The following ABCA3 variants were observed in gnomAD, a reference collection of about 807,000 sequenced individuals.
ABCA3 encodes ATP binding cassette subfamily A member 3.
In ABCA3, 88 loss-of-function variants were observed where a neutral mutation model predicts 172.8. That is an observed-to-expected ratio of 0.51 (90% confidence interval 0.43 to 0.61). ABCA3 has a LOEUF of 0.61. Ranked by LOEUF, ABCA3 falls within the 20% of genes least tolerant of loss-of-function variation. The pLI, the probability that ABCA3 is intolerant of heterozygous loss-of-function variation, is 0.00. For synonymous variants in ABCA3, 1,066 were observed against 983.8 expected, an observed-to-expected ratio of 1.08 and a Z score of -1.56; for missense variants, 2,164 against 2,301.0, an observed-to-expected ratio of 0.94 and a Z score of 1.22.
At position 2,308,553 on chromosome 16, in the gene ABCA3, A is replaced by C. The variant is rs149407605; in HGVS notation, c.1182T>G (p.Pro394=). The change falls in exon 11 of 33, where the codon CCT becomes CCG. Residue 394 remains proline (P), a synonymous_variant. Coordinates refer to ENST00000301732, the MANE Select transcript of ABCA3 (RefSeq NM_001089.3). ...FTYIPYFFVA[P]RYNWMTLSQK... ...GGCTCAGAGTCATCCAGTTGTACCG[A>C]GGGGCCACGAAGAAGTAGGGGATGT... is the stretch of plus-strand genomic sequence containing the variant. The C allele has an allele frequency of 3.1e-6, 5 of 1,614,008 alleles. No individual in the cohort carries two copies. Among genetic ancestry groups the C allele is most frequent in the East Asian group, 4.5e-5 (2 of 44,892 alleles).
rs568756080 is a variant in ABCA3, at chr16:2,312,488, T to A, written c.1112-3865A>T. On this transcript the variant is annotated intron_variant, in intron 10 of 32. Transcript: ENST00000301732. ...CGAGATTTAATAAAGTTTTTTTTTT[T>A]ACTGCTTTGTCAAGGACATTCATGA... is the stretch of plus-strand genomic sequence containing the variant. Among the ~76,000 whole-genome samples, 83 of 152,246 alleles carry A rather than the reference T, an allele frequency of 5.5e-4. 3 individuals are homozygous for A. In the South Asian group the frequency reaches 7.9e-3, roughly 14 times the overall value.
chr16:2,305,200 C>G (rs1200310565), intron 11 of ABCA3, among the ~76,000 whole-genome samples: 2 of 152,180 alleles, frequency 1.3e-5, no homozygotes, highest in Non-Finnish European at 2.9e-5. Context: ...GTGGTGCAAT[C>G]TTGGCCCACT....
At chr16:2,329,462 G>A (rs1037189165) in intron 2 of ABCA3, among the ~76,000 whole-genome samples, 186 bp downstream of exon 2, 1 of 152,166 alleles carries the variant, frequency 6.6e-6, no homozygotes, top group Admixed American at 6.5e-5. Flanking sequence ...ATATAAAACC[G>A]TCACAGTTCA....
At chr16:2,304,194 G>T (rs1596848828) in intron 11 of ABCA3, 44 bp from the exon 12 acceptor site, 2 of 1,611,060 alleles carry the variant, frequency 1.2e-6, no homozygotes, top group South Asian at 1.1e-5. Context: ...CAGCAGGCTG[G>T]GGGGCCCAGG....
rs1336678440 is a variant in ABCA3 at position 2,284,523 on chromosome 16, C to T, written c.3704-86G>A. ...GGGCCTGGTCAGGGCGGGCACAGGG[C>T]CTTATCCGTGCTGTGTGGAGTGAGG... On this transcript the variant is annotated intron_variant, in intron 24 of 32. Coordinates refer to ENST00000301732, the MANE Select transcript of ABCA3 (RefSeq NM_001089.3). The surrounding 1 kb of genome is among the most constrained non-coding windows in gnomAD (Gnocchi z 5.9). 2.6e-6 allele frequency: 4 copies of T among 1,561,488 alleles called. No homozygotes were observed. The African/African-American group carries it at 5.4e-5, about 21-fold the overall frequency.
chr16:2,301,513 C>G (rs547443555), intron 12 of ABCA3, among the ~76,000 whole-genome samples: 52 of 152,228 alleles, frequency 3.4e-4, no homozygotes, highest in African/African-American at 1.2e-3. Context: ...TCAAGACCAG[C>G]CTGGCCAACA....
rs150953197 is a variant in ABCA3 at position 2,278,458 on chromosome 16, A to G, written c.4548T>C (p.Ser1516=). ...TGCTCAGCTTCCGCTTGTTACCACC[A>G]CTAGAGGCAGGAGGGTGCCAGGTGG... ...PHANKLVRTY[S]GGNKRKLSTG... The change falls in exon 30 of 33, where the codon AGT becomes AGC. Residue 1516 remains serine (S), a splice_region_variant and synonymous_variant. Coordinates refer to ENST00000301732, the MANE Select transcript of ABCA3 (RefSeq NM_001089.3). This position sits in a 1 kb window ranked among gnomAD's most constrained non-coding sequence, Gnocchi z 4.4. 1.2e-4 allele frequency: 200 copies of G among 1,611,600 alleles called. 2 individuals are homozygous for G. The South Asian group carries it at 2.1e-3, about 17-fold the overall frequency.
At chr16:2,316,275 C>T (rs2093715334) in intron 10 of ABCA3, among the ~76,000 whole-genome samples, 1 of 134,074 alleles carries the variant, frequency 7.5e-6, no homozygotes, top group South Asian at 2.3e-4. Flanking sequence ...TGCCATTGCA[C>T]TCCAGCCTGG....
intron 1 of ABCA3, among the ~76,000 whole-genome samples, chr16:2,338,664 G>A (rs1296087320): frequency 1.3e-5 from 2 of 151,294 alleles, no homozygotes; most frequent in African/African-American, 4.9e-5. Context: ...ATCTTGTTCT[G>A]TCTTATGTCA....
chr16:2,300,952 T>C lies in ABCA3; in HGVS notation c.1468-804A>G, dbSNP rs568513637. Among the ~76,000 whole-genome samples the C allele has an allele frequency of 3.5e-4, 52 of 150,222 alleles. 1 individual carries two copies. Among genetic ancestry groups the C allele is most frequent in the South Asian group, 2.3e-3 (11 of 4,822 alleles). ...TTTTAAAATCAGAATGCATCTTGGC[T>C]GGGCACGGTGGCTCGAGCCTGTAAT... On this transcript the variant is annotated intron_variant, in intron 12 of 32. Coordinates refer to ENST00000301732, the MANE Select transcript of ABCA3 (RefSeq NM_001089.3).
chr16:2,324,583 G>A, intron 5 of ABCA3, 52 bp from the exon 6 acceptor site: 1 of 1,601,902 alleles, frequency 6.2e-7, no homozygotes. Context: ...CCTCCTGCTT[G>A]AAAAATCTGC....
intron 12 of ABCA3, among the ~76,000 whole-genome samples, chr16:2,301,641 TGAAG>T (rs2093689628): frequency 6.9e-6 from 1 of 145,770 alleles, no homozygotes; most frequent in Non-Finnish European, 1.5e-5. Context: ...ACCTGGGAGG[TGAAG>T]GGTGCAGTGA....
intron 20 of ABCA3, among the ~76,000 whole-genome samples, chr16:2,288,582 G>C (rs373457401): frequency 6.6e-6 from 1 of 152,130 alleles, no homozygotes; most frequent in African/African-American, 2.4e-5. Context: ...TTTTGAGACA[G>C]GGTCACTCTG....
chr16:2,304,467 G>A (rs1032526403), intron 11 of ABCA3, among the ~76,000 whole-genome samples: 1 of 150,828 alleles, frequency 6.6e-6, no homozygotes, highest in Non-Finnish European at 1.5e-5. Flanking sequence ...TTTCGGTAAG[G>A]CCAACGTGGG....
chr16:2,297,697 G>A lies in ABCA3; in HGVS notation c.2052+69C>T, dbSNP rs1388433554. The A allele has an allele frequency of 6.2e-7, 1 of 1,600,068 alleles. No homozygotes were observed. Among genetic ancestry groups the A allele is most frequent in the Non-Finnish European group, 8.5e-7 (1 of 1,178,634 alleles). On this transcript the variant is annotated intron_variant, in intron 16 of 32. Transcript: ENST00000301732. The surrounding 1 kb of genome is among the most constrained non-coding windows in gnomAD (Gnocchi z 5.6). ...GGGTGTCAAGGGCCAAGGTGCCCGG[G>A]CCATGGCGGAAGGGCCATCCCAGGT...
intron 11 of ABCA3, among the ~76,000 whole-genome samples, chr16:2,304,697 A>T (rs1252128340): frequency 7.2e-6 from 1 of 138,138 alleles, no homozygotes; most frequent in African/African-American, 2.7e-5. Context: ...TTTTTTTGAG[A>T]TGGAGTCTTG....
In ABCA3 at chr16:2,305,274, C is replaced by T. The variant is rs148402805; in HGVS notation, c.1286-1124G>A. ...TCAGCCTTCGGAGTAGCTGGGATTA[C>T]GGGAGCACGTCACCACACCTGGCTA... On this transcript the variant is annotated intron_variant, in intron 11 of 32. Transcript: ENST00000301732. 2.7e-3 allele frequency among the ~76,000 whole-genome samples: 415 copies of T among 152,204 alleles called. 1 individual carries two copies. The highest frequency in any genetic ancestry group is 9.6e-3 in the African/African-American group (398 of 41,546).
intron 15 of ABCA3, among the ~76,000 whole-genome samples, chr16:2,298,130 C>T (rs1186303733): frequency 7.7e-6 from 1 of 129,260 alleles, no homozygotes; most frequent in African/African-American, 2.5e-5. Flanking sequence ...GGCGGGAGGC[C>T]GACCACGGCC....
At position 2,281,504 on chromosome 16, in the gene ABCA3, TTCTG is replaced by T; in HGVS notation, c.4037_4040del (p.Thr1346AsnfsTer15). 6.2e-7 allele frequency: 1 copy of T among 1,613,230 alleles called. No homozygotes were observed. Among genetic ancestry groups the T allele is most frequent in the Middle Eastern group, 1.7e-4 (1 of 6,060 alleles). ...GAAGCACAGGCATCCGGGTGTATAA[TTCTG>T]TCTGATTGACCAGGACAAAGACCGC... On this transcript the variant is annotated frameshift_variant and splice_region_variant, in exon 27 of 33. Transcript: ENST00000301732. LOFTEE classifies it high-confidence loss of function. The surrounding 1 kb of genome is among the most constrained non-coding windows in gnomAD (Gnocchi z 4.7).
Sources: allele counts gnomAD v4.1 joint callset (sites outside exome capture counted in the v4.1 genomes callset), GRCh38; gene constraint gnomAD v4.1.1; non-coding constraint Gnocchi (gnomAD v3.1); transcripts MANE v1.5; gene names NCBI Gene and HGNC (gene_info 2026-07-23, HGNC 2026-07-21).